The following LAMA3 variants were observed in gnomAD, a reference collection of about 807,000 sequenced individuals.
LAMA3 encodes the protein laminin subunit alpha 3.
In LAMA3, 281 loss-of-function variants were observed where a neutral mutation model predicts 402.0. That is an observed-to-expected ratio of 0.70 (90% CI 0.63 to 0.77). The LOEUF (loss-of-function observed/expected upper bound fraction) is 0.77, where lower values mean the gene tolerates loss of function less well. Among genes scored for constraint, LAMA3 ranks in the 30% least tolerant of loss-of-function variants. The pLI, the probability that LAMA3 is intolerant of heterozygous loss-of-function variation, is 0.00. For missense variants in LAMA3, 3,840 were observed against 4,215.5 expected (o/e 0.91, Z 2.47); for synonymous variants, 1,431 against 1,558.4 (o/e 0.92, Z 1.93).
chr18:23,723,747 A>G (rs1418965518), intron 2 of LAMA3, among the ~76,000 whole-genome samples: 1 of 152,186 alleles, frequency 6.6e-6, no homozygotes. Context: ...TCTGAAATCC[A>G]GGGATAAATC....
In LAMA3 at chr18:23,819,928, A is replaced by C. The variant is rs2063251206; in HGVS notation, c.2235A>C (p.Arg745=). ...DGSTPNGRDL[R]FGFDPLAFPE... ...GCACACCTAATGGGAGAGACCTTCG[A>C]TTTGGATTTGATCCGCTGGCATTTC... is the stretch of plus-strand genomic sequence containing the variant. Residue 745 remains arginine (R), a synonymous_variant, in exon 19 of 75, where the codon CGA becomes CGC. Transcript: ENST00000313654. The C allele has an allele frequency of 1.9e-6, 3 of 1,614,024 alleles. No individual in the cohort carries two copies. The highest frequency in any genetic ancestry group is 1.1e-5 in the South Asian group (1 of 91,090).
intron 2 of LAMA3, among the ~76,000 whole-genome samples, chr18:23,727,337 G>A (rs200769926): frequency 7.4e-6 from 1 of 135,604 alleles, no homozygotes; most frequent in Non-Finnish European, 1.6e-5. Context: ...TTGATTGATT[G>A]ATTTTTGAGA....
At chr18:23,815,610 G>A in intron 17 of LAMA3, 37 bp downstream of exon 17, 1 of 1,321,230 alleles carries the variant, frequency 7.6e-7, no homozygotes, top group Non-Finnish European at 1.1e-6. Context: ...AAAGCACAGT[G>A]TTGATGGACA....
At chr18:23,771,521 A>T (rs1322991790) in intron 8 of LAMA3, among the ~76,000 whole-genome samples, 1 of 152,212 alleles carries the variant, frequency 6.6e-6, no homozygotes, top group Non-Finnish European at 1.5e-5. Flanking sequence ...GACTCAGTGG[A>T]TGTACAATTA....
rs2064707932 is a variant in LAMA3 at position 23,876,285 on chromosome 18, GA to G, written c.4999-4del. On this transcript the variant is annotated splice_polypyrimidine_tract_variant and splice_region_variant and intron_variant, in intron 38 of 74. Coordinates refer to ENST00000313654, the MANE Select transcript of LAMA3 (RefSeq NM_198129.4). ...TTTGTATTGATTAAACACTTTGTTT[GA>G]AAAATAGGGTTGTAGCCCTGGATAC... is the stretch of plus-strand genomic sequence containing the variant. 2 of 1,589,844 alleles carry G rather than the reference GA, an allele frequency of 1.3e-6. No individual in the cohort carries two copies. The highest frequency in any genetic ancestry group is 2.7e-5 in the African/African-American group (2 of 74,464).
At position 23,763,397 on chromosome 18, in the gene LAMA3, T is replaced by A. The variant is rs756841225; in HGVS notation, c.1064-8T>A. On this transcript the variant is annotated splice_region_variant and splice_polypyrimidine_tract_variant and intron_variant, in intron 7 of 74. Transcript: ENST00000313654. ...TGAGAATATTGACTTATTATGCTTT[T>A]TTTTCAGCATGCAACTGCCACGGCC... 2 of 1,573,848 alleles carry A rather than the reference T, an allele frequency of 1.3e-6. No homozygotes were observed. Among genetic ancestry groups the A allele is most frequent in the Non-Finnish European group, 1.7e-6 (2 of 1,143,362 alleles).
intron 11 of LAMA3, 121 bp downstream of exon 11, chr18:23,777,740 C>G (rs896691613): frequency 8.8e-6 from 7 of 798,002 alleles, no homozygotes; most frequent in Middle Eastern, 2.2e-4. Context: ...ATGGTAGGTG[C>G]CTTGCAGGTG....
Position 23,903,033 on chromosome 18 carries a change from C to T in LAMA3, c.6226C>T (p.Leu2076=), listed in dbSNP as rs1397067636. The T allele has an allele frequency of 1.2e-6, 2 of 1,609,942 alleles. No homozygotes were observed. The highest frequency in any genetic ancestry group is 2.2e-5 in the East Asian group (1 of 44,862). ...GAGACAAGTGAAAGAAATAAATTCCCTGCAGAGTGATTTCACCAAGTATCT... is the reference window on the plus strand; with the variant it reads ...GAGACAAGTGAAAGAAATAAATTCCTTGCAGAGTGATTTCACCAAGTATCT... ...IQRQVKEINS[L]QSDFTKYLTT... The change falls in exon 49 of 75, where the codon CTG becomes TTG. Residue 2076 remains leucine (L), a synonymous_variant. Transcript: ENST00000313654.
At chr18:23,915,531 T>C in intron 59 of LAMA3, 109 bp downstream of exon 59, 3 of 1,047,362 alleles carry the variant, frequency 2.9e-6, no homozygotes, top group Non-Finnish European at 4.4e-6. Flanking sequence ...ATGTTGCTAG[T>C]TGCTTTGGGC....
At chr18:23,811,916 C>T (rs1305535432) in intron 13 of LAMA3, among the ~76,000 whole-genome samples, 1 of 151,984 alleles carries the variant, frequency 6.6e-6, no homozygotes, top group Admixed American at 6.5e-5. Flanking sequence ...CTCTGTCCCC[C>T]AGGCTGGAGT....
chr18:23,894,872 C>G (rs200674615), intron 43 of LAMA3, 35 bp from the exon 44 acceptor site: 2 of 1,614,018 alleles, frequency 1.2e-6, no homozygotes, highest in Non-Finnish European at 8.5e-7. Flanking sequence ...CGGCTCCCCC[C>G]ACAGCACATT....
At chr18:23,936,009 A>G (rs1011213550) in intron 67 of LAMA3, among the ~76,000 whole-genome samples, 3 of 151,996 alleles carry the variant, frequency 2.0e-5, no homozygotes, top group African/African-American at 7.3e-5. Context: ...GACATGCTGC[A>G]TGCATCCTCA....
intron 40 of LAMA3, among the ~76,000 whole-genome samples, chr18:23,882,609 TA>T (rs10555585): frequency 0.14 from 19,385 of 138,624 alleles, 2,368 homozygotes; most frequent in African/African-American, 0.32. Context: ...GACTCCATCT[TA>T]AAAAAAAAAA....
At chr18:23,784,698 G>A (rs1324774759) in intron 12 of LAMA3, among the ~76,000 whole-genome samples, 1 of 152,186 alleles carries the variant, frequency 6.6e-6, no homozygotes, top group African/African-American at 2.4e-5. Context: ...GAAGGTGGGA[G>A]GAGGAAGTGT....
intron 55 of LAMA3, among the ~76,000 whole-genome samples, chr18:23,909,567 C>T (rs1282185637): frequency 6.6e-6 from 1 of 152,156 alleles, no homozygotes; most frequent in Admixed American, 6.5e-5. Context: ...TTCTTCCAGG[C>T]CCCAGTTTGT....
At chr18:23,751,676 C>T (rs931605361) in intron 5 of LAMA3, among the ~76,000 whole-genome samples, 2 of 152,174 alleles carry the variant, frequency 1.3e-5, no homozygotes, top group Non-Finnish European at 2.9e-5. Flanking sequence ...TGGGTGATGT[C>T]ATCTAGCTGA....
chr18:23,917,178 T>C (rs1186703209), intron 60 of LAMA3, among the ~76,000 whole-genome samples: 1 of 152,198 alleles, frequency 6.6e-6, no homozygotes, highest in Non-Finnish European at 1.5e-5. Context: ...GCTTCATCCA[T>C]GTTGCTGCAA....
chr18:23,696,125 A>C (rs1199199284), intron 1 of LAMA3, among the ~76,000 whole-genome samples: 1 of 152,234 alleles, frequency 6.6e-6, no homozygotes, highest in African/African-American at 2.4e-5. Flanking sequence ...ATTTGTGTGC[A>C]TGAAAGACAT....
intron 70 of LAMA3, among the ~76,000 whole-genome samples, chr18:23,947,912 C>T (rs916521984): frequency 2.0e-5 from 3 of 151,160 alleles, no homozygotes; most frequent in Admixed American, 6.6e-5. Flanking sequence ...CCTGGGTTCA[C>T]ACCATTCTCC....
Sources: gnomAD v4.1 joint callset for allele counts (sites outside exome capture counted in the v4.1 genomes callset) on GRCh38, gnomAD v4.1.1 for gene constraint, MANE v1.5 for transcripts, NCBI Gene and HGNC (gene_info 2026-07-23, HGNC 2026-07-21) for gene names.